SAMMSON: variants seen among roughly 807,000 people sequenced by gnomAD.
SAMMSON encodes the protein long intergenic non-protein coding RNA 1212.
intron 2 of SAMMSON, among the ~76,000 whole-genome samples, chr3:70,406,006 A>T (rs1306844043): frequency 6.6e-6 from 1 of 152,246 alleles, no homozygotes; most frequent in African/African-American, 2.4e-5. Context: ...TATATTTAGT[A>T]ACAATGTATT....
chr3:70,324,283 T>C (rs942910394), intron 7 of SAMMSON, among the ~76,000 whole-genome samples: 16 of 152,046 alleles, frequency 1.1e-4, no homozygotes, highest in Non-Finnish European at 2.1e-4. Flanking sequence ...CCCATTCACA[T>C]TGCAGTTCAT....
At chr3:70,242,672 T>C (rs1242020307) in intron 4 of SAMMSON, among the ~76,000 whole-genome samples, 4 of 152,172 alleles carry the variant, frequency 2.6e-5, no homozygotes, top group Non-Finnish European at 5.9e-5. Context: ...GCATGAAAAA[T>C]GTGTATATCT....
At chr3:70,047,280 A>T (rs2067130362) in intron 3 of SAMMSON, among the ~76,000 whole-genome samples, 1 of 151,938 alleles carries the variant, frequency 6.6e-6, no homozygotes, top group African/African-American at 2.4e-5. Context: ...AATATAGTAG[A>T]TGCTCAGCAA....
At chr3:70,101,219 G>A (rs1356307741) in intron 4 of SAMMSON, among the ~76,000 whole-genome samples, 1 of 152,116 alleles carries the variant, frequency 6.6e-6, no homozygotes, top group Non-Finnish European at 1.5e-5. Context: ...ATAGATAAAT[G>A]AGTAGTGCTA....
intron 4 of SAMMSON, among the ~76,000 whole-genome samples, chr3:70,128,541 A>T (rs1184033155): frequency 6.6e-6 from 1 of 152,094 alleles, no homozygotes; most frequent in Non-Finnish European, 1.5e-5. Flanking sequence ...TGAAATACGG[A>T]CTCTCATGAT....
chr3:70,306,304 G>A (rs553559110), intron 7 of SAMMSON, among the ~76,000 whole-genome samples: 1 of 152,160 alleles, frequency 6.6e-6, no homozygotes, highest in South Asian at 2.1e-4. Flanking sequence ...GTAAAGACGG[G>A]GTTTCACCAT....
At chr3:70,212,129 C>T (rs2106729696) in intron 4 of SAMMSON, among the ~76,000 whole-genome samples, 1 of 152,236 alleles carries the variant, frequency 6.6e-6, no homozygotes, top group Non-Finnish European at 1.5e-5. Context: ...TTCATCCAGC[C>T]ATCCAAAGAT....
rs1353436476 is a variant in SAMMSON, at chr3:70,028,149, TCC to T, written n.417+14478_417+14479del. Among the ~76,000 whole-genome samples, 38 of 41,820 alleles carry T rather than the reference TCC, an allele frequency of 9.1e-4. No homozygotes were observed. In the East Asian group the frequency reaches 0.016, roughly 17 times the overall value. 27.4% of individuals were successfully genotyped at this position (41,820 alleles called of 152,430 possible). On this transcript the variant is annotated intron_variant and non_coding_transcript_variant, in intron 3 of 9. Coordinates refer to ENST00000642114, the Ensembl canonical transcript of SAMMSON. ...TCCGTCCCTTCCTTCCTTCTTTCCT[TCC>T]TTCCTTCCTTCCTTCCTTCCTTCCT... is the stretch of plus-strand genomic sequence containing the variant.
chr3:70,207,270 CAT>C (rs1055604927), intron 4 of SAMMSON, among the ~76,000 whole-genome samples: 4 of 151,986 alleles, frequency 2.6e-5, no homozygotes, highest in African/African-American at 9.7e-5. Context: ...AAGAAAAATG[CAT>C]ATAAATGAAT....
intron 7 of SAMMSON, among the ~76,000 whole-genome samples, chr3:70,291,549 T>C (rs149711533): frequency 6.6e-6 from 1 of 152,314 alleles, no homozygotes; most frequent in East Asian, 1.9e-4. Flanking sequence ...CATCACATTC[T>C]GAGATTCTCA....
chr3:70,044,966 G>A (rs1341414043), intron 3 of SAMMSON, among the ~76,000 whole-genome samples: 1 of 131,924 alleles, frequency 7.6e-6, no homozygotes, highest in Non-Finnish European at 1.6e-5. Context: ...TTATATTAGA[G>A]TATTACATAA....
intron 7 of SAMMSON, among the ~76,000 whole-genome samples, chr3:70,340,452 G>T (rs1415483306): frequency 1.3e-5 from 2 of 151,892 alleles, no homozygotes; most frequent in Non-Finnish European, 2.9e-5. Flanking sequence ...CCTTTGGCTG[G>T]AATATGGGAA....
chr3:70,090,544 G>A (rs1182926418), intron 4 of SAMMSON, among the ~76,000 whole-genome samples: 1 of 152,184 alleles, frequency 6.6e-6, no homozygotes, highest in Non-Finnish European at 1.5e-5. Flanking sequence ...AACCCATGTT[G>A]TGTCTAAAAT....
intron 4 of SAMMSON, among the ~76,000 whole-genome samples, chr3:70,096,359 C>T (rs1450324945): frequency 2.6e-5 from 4 of 152,152 alleles, no homozygotes; most frequent in Non-Finnish European, 4.4e-5. Flanking sequence ...GCCTGGGCAA[C>T]ATACTGGGAC....
At chr3:70,325,736 T>A (rs560205436) in intron 7 of SAMMSON, among the ~76,000 whole-genome samples, 2 of 152,280 alleles carry the variant, frequency 1.3e-5, no homozygotes, top group African/African-American at 4.8e-5. Context: ...TATAAACAGA[T>A]GTTTATAAAA....
intron 4 of SAMMSON, among the ~76,000 whole-genome samples, chr3:70,179,245 C>G (rs535267362): frequency 6.6e-6 from 1 of 152,266 alleles, no homozygotes; most frequent in Admixed American, 6.5e-5. Context: ...GTCTCTTTTT[C>G]CCCTTCTCAC....
intron 4 of SAMMSON, chr3:70,125,096 G>A (rs1165466000): frequency 1.9e-6 from 2 of 1,036,306 alleles, no homozygotes; most frequent in Non-Finnish European, 3.0e-6. Flanking sequence ...CTTAGGATCT[G>A]GTTTTTGTCT....
chr3:70,255,387 T>C (rs1357268), intron 6 of SAMMSON, among the ~76,000 whole-genome samples: 123,963 of 152,160 alleles, frequency 0.81, 51,087 homozygotes, highest in Non-Finnish European at 0.87. Context: ...TCATAATAAG[T>C]AGATATGGAA....
intron 4 of SAMMSON, among the ~76,000 whole-genome samples, chr3:70,149,484 G>T (rs1400352119): frequency 6.6e-6 from 1 of 152,002 alleles, no homozygotes; most frequent in Non-Finnish European, 1.5e-5. Flanking sequence ...AAATTATCAG[G>T]ACCCACCCCA....
Sources: allele counts gnomAD v4.1 joint callset (sites outside exome capture counted in the v4.1 genomes callset), GRCh38; gene constraint gnomAD v4.1.1; transcripts MANE v1.5; gene names NCBI Gene and HGNC (gene_info 2026-07-23, HGNC 2026-07-21).